SLC24A4: variants seen among roughly 807,000 people sequenced by gnomAD.
SLC24A4 encodes sodium/potassium/calcium exchanger 4.
Under a neutral mutation model 79.0 loss-of-function variants are expected in SLC24A4, and 53 were observed. The observed-to-expected ratio is 0.67, with a 90% CI of 0.54 to 0.84. The LOEUF (loss-of-function observed/expected upper bound fraction) is 0.84. Among genes scored for constraint, SLC24A4 ranks in the 40% least tolerant of loss-of-function variants. The probability of loss-of-function intolerance (pLI) is 0.00; values close to 1 mark genes in which losing one functional copy is unlikely to be tolerated. For missense variants in SLC24A4, 731 were observed against 822.0 expected (o/e 0.89, Z 1.35); for synonymous variants, 323 against 323.8 (o/e 1.00, Z 0.03).
intron 11 of SLC24A4, among the ~76,000 whole-genome samples, chr14:92,454,738 T>C (rs1010912879): frequency 2.1e-4 from 32 of 152,230 alleles, no homozygotes; most frequent in African/African-American, 7.7e-4. Context: ...TCACAGTGCC[T>C]ACGGGTTCAT....
intron 14 of SLC24A4, among the ~76,000 whole-genome samples, chr14:92,488,742 G>T (rs893011605): frequency 6.6e-6 from 1 of 152,244 alleles, no homozygotes; most frequent in Non-Finnish European, 1.5e-5. Flanking sequence ...GATGTTCAGC[G>T]ACATGAACTT....
In SLC24A4 at chr14:92,439,424, C is replaced by T. The variant is rs1285402336; in HGVS notation, c.393+15C>T. 1 of 1,605,834 alleles carries T rather than the reference C, an allele frequency of 6.2e-7. No individual in the cohort carries two copies. The highest frequency in any genetic ancestry group is 2.2e-5 in the East Asian group (1 of 44,826). ...AGATCTGTGAGGTATGTGGAAGGGACTTGGGACACCTTGGTGAAGCCTTGA... is the reference window on the plus strand; with the variant it reads ...AGATCTGTGAGGTATGTGGAAGGGATTTGGGACACCTTGGTGAAGCCTTGA... On this transcript the variant is annotated intron_variant, in intron 4 of 16. Coordinates refer to ENST00000532405, the MANE Select transcript of SLC24A4 (RefSeq NM_153646.4).
chr14:92,388,086 G>A (rs564832975), intron 2 of SLC24A4, among the ~76,000 whole-genome samples: 1 of 142,724 alleles, frequency 7.0e-6, no homozygotes, highest in Non-Finnish European at 1.5e-5. Context: ...AGATCACATG[G>A]TAATTCTGTA....
chr14:92,439,459 G>A, intron 4 of SLC24A4, 50 bp downstream of exon 4: 3 of 1,547,808 alleles, frequency 1.9e-6, no homozygotes, highest in Non-Finnish European at 2.7e-6. Flanking sequence ...AAGACATGTG[G>A]GACATAAATG....
At chr14:92,432,592 A>G (rs948770814) in intron 2 of SLC24A4, among the ~76,000 whole-genome samples, 1 of 152,210 alleles carries the variant, frequency 6.6e-6, no homozygotes, top group Non-Finnish European at 1.5e-5. Context: ...CTTGAAGCCA[A>G]TCCATGCCCT....
chr14:92,364,801 G>A (rs571146912), intron 2 of SLC24A4, among the ~76,000 whole-genome samples: 1 of 152,342 alleles, frequency 6.6e-6, no homozygotes, highest in South Asian at 2.1e-4. Flanking sequence ...CAAGGCAGGT[G>A]GCTCCTGCTC....
At position 92,493,662 on chromosome 14, in the gene SLC24A4, CA is replaced by C. The variant is rs774924991; in HGVS notation, c.*35del. Reference sequence around the variant, plus strand: ...CGCGGCCCCTGGGAGCTGATCTGGACACCCTGTGACACTGGCGTTCTCCTCT... The same window carrying C: ...CGCGGCCCCTGGGAGCTGATCTGGACCCCTGTGACACTGGCGTTCTCCTCT... On this transcript the variant is annotated 3_prime_UTR_variant, in exon 17 of 17. Coordinates refer to ENST00000532405, the MANE Select transcript of SLC24A4 (RefSeq NM_153646.4). The C allele has an allele frequency of 5.6e-6, 9 of 1,609,550 alleles. No homozygotes were observed. The highest frequency in any genetic ancestry group is 1.7e-5 in the Admixed American group (1 of 59,760).
chr14:92,379,670 C>G (rs1888718665), intron 2 of SLC24A4, among the ~76,000 whole-genome samples: 2 of 152,170 alleles, frequency 1.3e-5, no homozygotes, highest in African/African-American at 4.8e-5. Context: ...GGGACACTGA[C>G]TGGCCTGGAT....
At chr14:92,400,427 G>T (rs1890048907) in intron 2 of SLC24A4, among the ~76,000 whole-genome samples, 2 of 118,232 alleles carry the variant, frequency 1.7e-5, no homozygotes, top group Non-Finnish European at 3.2e-5. Context: ...GACAGAGCGA[G>T]ACTCCATCTC....
At chr14:92,434,019 C>T (rs1194883321) in intron 3 of SLC24A4, 31 bp downstream of exon 3, 2 of 1,573,546 alleles carry the variant, frequency 1.3e-6, no homozygotes, top group Non-Finnish European at 1.7e-6. Flanking sequence ...GGTCACAAAA[C>T]TTCTGGCACA....
intron 2 of SLC24A4, among the ~76,000 whole-genome samples, chr14:92,395,745 G>A (rs1026936604): frequency 6.6e-6 from 1 of 152,184 alleles, no homozygotes; most frequent in Non-Finnish European, 1.5e-5. Context: ...GAATTTGCTT[G>A]ACTTGGAGGA....
At chr14:92,440,235 G>A (rs1456234229) in intron 4 of SLC24A4, among the ~76,000 whole-genome samples, 1 of 152,140 alleles carries the variant, frequency 6.6e-6, no homozygotes, top group Non-Finnish European at 1.5e-5. Flanking sequence ...TGGCAAACGT[G>A]TGCAAAGGCC....
At chr14:92,486,526 T>C in intron 13 of SLC24A4, 140 bp from the exon 14 acceptor site, 1 of 625,760 alleles carries the variant, frequency 1.6e-6, no homozygotes, top group Non-Finnish European at 2.9e-6. Context: ...TTGTTTTGTT[T>C]TGTTTTGTTT....
intron 12 of SLC24A4, among the ~76,000 whole-genome samples, chr14:92,471,544 GGTTGACCCTTGTTATATT>G (rs1214491207): frequency 6.6e-6 from 1 of 152,140 alleles, no homozygotes; most frequent in Non-Finnish European, 1.5e-5. Flanking sequence ...GAATTCCCAA[GGTTGACCCTTGTTATATT>G]ATACACCCAA....
chr14:92,421,083 C>T (rs981844607), intron 2 of SLC24A4, among the ~76,000 whole-genome samples: 3 of 152,062 alleles, frequency 2.0e-5, no homozygotes, highest in Non-Finnish European at 4.4e-5. Context: ...AGGGGAGGCA[C>T]GGTGATGGCT....
At chr14:92,437,149 A>G (rs28654880) in intron 3 of SLC24A4, among the ~76,000 whole-genome samples, 2,585 of 152,306 alleles carry the variant, frequency 0.017, 85 homozygotes, top group African/African-American at 0.058. Context: ...TGCTTAGAGC[A>G]AAACCCATCT....
chr14:92,415,479 C>T (rs890569078), intron 2 of SLC24A4, among the ~76,000 whole-genome samples: 25 of 151,986 alleles, frequency 1.6e-4, no homozygotes, highest in East Asian at 3.9e-4. Context: ...ATTTTCGAGA[C>T]GGAGTTTCAC....
chr14:92,336,420 T>C (rs1170556220), intron 2 of SLC24A4, among the ~76,000 whole-genome samples: 1 of 152,206 alleles, frequency 6.6e-6, no homozygotes, highest in Non-Finnish European at 1.5e-5. Context: ...CAGAGGTCAC[T>C]GTGTGGCTGA....
At chr14:92,438,021 G>A (rs901925527) in intron 3 of SLC24A4, among the ~76,000 whole-genome samples, 1 of 152,064 alleles carries the variant, frequency 6.6e-6, no homozygotes, top group African/African-American at 2.4e-5. Flanking sequence ...TTCCCCACAT[G>A]CCAAGAATTC....
Sources: gnomAD v4.1 joint callset for allele counts (sites outside exome capture counted in the v4.1 genomes callset) on GRCh38, gnomAD v4.1.1 for gene constraint, MANE v1.5 for transcripts, NCBI Gene and HGNC (gene_info 2026-07-23, HGNC 2026-07-21) for gene names.